The following GBP7 variants were observed in gnomAD, a reference collection of about 807,000 sequenced individuals.
GBP7 encodes guanylate binding protein 7.
A neutral mutation model predicts 61.3 loss-of-function variants in GBP7; 43 were observed. That is an observed-to-expected ratio of 0.70 (90% CI 0.55 to 0.91). GBP7 has a LOEUF of 0.91. Among genes scored for constraint, GBP7 ranks in the 40% least tolerant of loss-of-function variants. The probability of loss-of-function intolerance (pLI) is 0.00; values close to 1 mark genes in which losing one functional copy is unlikely to be tolerated. For synonymous variants in GBP7, 267 were observed against 271.0 expected (o/e 0.99, Z 0.14); for missense variants, 717 against 740.5 (o/e 0.97, Z 0.37).
chr1:89,136,830 G>A (rs1433737105), intron 9 of GBP7, among the ~76,000 whole-genome samples: 1 of 151,828 alleles, frequency 6.6e-6, no homozygotes, highest in Non-Finnish European at 1.5e-5. Flanking sequence ...ATAAAGTGGA[G>A]ACAAGAAAAA....
chr1:89,137,820 A>G (rs528208317), intron 9 of GBP7, among the ~76,000 whole-genome samples: 22 of 149,300 alleles, frequency 1.5e-4, no homozygotes, highest in Middle Eastern at 3.4e-3. Context: ...GGCAAAGGGG[A>G]AAAAAAAAGT....
At chr1:89,171,537 A>G (rs907692783) in intron 2 of GBP7, among the ~76,000 whole-genome samples, 1 of 151,808 alleles carries the variant, frequency 6.6e-6, no homozygotes, top group Non-Finnish European at 1.5e-5. Context: ...TACCTTATTT[A>G]TATATGAAAT....
chr1:89,155,217 C>T (rs1406066869), intron 3 of GBP7, among the ~76,000 whole-genome samples: 1 of 152,134 alleles, frequency 6.6e-6, no homozygotes, highest in Non-Finnish European at 1.5e-5. Context: ...ATTGCAAAGA[C>T]CAAAGGTAGA....
At chr1:89,151,750 T>A (rs1415959822) in intron 5 of GBP7, among the ~76,000 whole-genome samples, 1 of 152,214 alleles carries the variant, frequency 6.6e-6, no homozygotes, top group African/African-American at 2.4e-5. Flanking sequence ...TGTATTTTTT[T>A]TTTAATTTCC....
intron 2 of GBP7, among the ~76,000 whole-genome samples, chr1:89,165,611 CT>C (rs1647404527): frequency 6.6e-6 from 1 of 152,006 alleles, no homozygotes; most frequent in South Asian, 2.1e-4. Context: ...AGTTCATGTC[CT>C]TTGCAGGGAC....
chr1:89,169,331 A>G (rs1647535300), intron 2 of GBP7, among the ~76,000 whole-genome samples: 1 of 152,230 alleles, frequency 6.6e-6, no homozygotes, highest in African/African-American at 2.4e-5. Context: ...TAAAGTGTCA[A>G]CGAAGCAAAC....
In GBP7 at chr1:89,160,184, A is replaced by G. The variant is rs1387872652; in HGVS notation, c.318+4547T>C. Among the ~76,000 whole-genome samples, 6 of 152,204 alleles carry G rather than the reference A, an allele frequency of 3.9e-5. No homozygotes were observed. The South Asian group carries it at 1.2e-3, about 32-fold the overall frequency. ...AATGAGATCACTTGGACACAGGGTGAGGAACATCACACACTGGGGCCTGCT... is the reference window on the plus strand; with the variant it reads ...AATGAGATCACTTGGACACAGGGTGGGGAACATCACACACTGGGGCCTGCT... On this transcript the variant is annotated intron_variant, in intron 3 of 10. Coordinates refer to ENST00000294671, the MANE Select transcript of GBP7 (RefSeq NM_207398.3).
At chr1:89,135,234 G>A (rs574720367) in intron 9 of GBP7, among the ~76,000 whole-genome samples, 23 of 152,280 alleles carry the variant, frequency 1.5e-4, no homozygotes, top group South Asian at 4.1e-4. Context: ...ATTGGCACCC[G>A]TGAAAGGGAG....
In GBP7 at chr1:89,133,313, C is replaced by T. The variant is rs1570335687; in HGVS notation, c.1607G>A (p.Arg536Lys). The part of the protein sequence containing the change: ...NIAQLKKKME[R>K]ERENYMRELR... ...TTCTCTCATATAGTTTTCCCTTTCC[C>T]TCTCCATCTTCTTCTTGAGTTGAGC... The change falls in exon 10 of 11, where the codon AGG becomes AAG. Residue 536 changes from arginine (R) to lysine (K), a missense_variant. By Grantham distance (26) the Arg-to-Lys change is conservative. This residue lies in a region of GBP7 where 312 missense variants were observed against 310.1 expected (regional missense o/e 1.01). Coordinates refer to ENST00000294671, the MANE Select transcript of GBP7 (RefSeq NM_207398.3). 1.2e-6 allele frequency: 2 copies of T among 1,614,066 alleles called. No individual in the cohort carries two copies. Among genetic ancestry groups the T allele is most frequent in the Non-Finnish European group, 8.5e-7 (1 of 1,179,978 alleles).
intron 2 of GBP7, among the ~76,000 whole-genome samples, chr1:89,168,818 C>T (rs748646825): frequency 2.0e-5 from 3 of 150,722 alleles, no homozygotes; most frequent in Admixed American, 6.6e-5. Flanking sequence ...CAACAAAAAA[C>T]GGTAGCCAGG....
At chr1:89,141,950 C>A (rs1485792988) in intron 8 of GBP7, among the ~76,000 whole-genome samples, 1 of 152,164 alleles carries the variant, frequency 6.6e-6, no homozygotes, top group African/African-American at 2.4e-5. Flanking sequence ...AAACACACAT[C>A]CTCCATAGTT....
intron 3 of GBP7, among the ~76,000 whole-genome samples, chr1:89,153,429 G>A (rs565047052): frequency 3.3e-5 from 5 of 152,304 alleles, no homozygotes; most frequent in African/African-American, 1.2e-4. Flanking sequence ...CACTGTCAAT[G>A]TGTAAAATAT....
chr1:89,169,773 G>A (rs1157976941), intron 2 of GBP7, among the ~76,000 whole-genome samples: 1 of 152,176 alleles, frequency 6.6e-6, no homozygotes, highest in Admixed American at 6.5e-5. Context: ...CATTTAGTGT[G>A]TAAACCAGTA....
intron 2 of GBP7, among the ~76,000 whole-genome samples, chr1:89,170,254 T>C (rs1647562652): frequency 6.6e-6 from 1 of 152,246 alleles, no homozygotes; most frequent in Admixed American, 6.5e-5. Flanking sequence ...AGAACCATCA[T>C]CCAAAATGAA....
At chr1:89,132,766 T>C (rs1203637229) in intron 10 of GBP7, among the ~76,000 whole-genome samples, 2 of 152,208 alleles carry the variant, frequency 1.3e-5, no homozygotes, top group Non-Finnish European at 2.9e-5. Context: ...TATAAAACAC[T>C]GGTTGTCAAG....
rs201501531 is a variant in GBP7, at chr1:89,132,138, C to G, written c.*11G>C. 1 of 1,590,738 alleles carries G rather than the reference C, an allele frequency of 6.3e-7. No homozygotes were observed. The highest frequency in any genetic ancestry group is 2.2e-5 in the East Asian group (1 of 44,730). ...GAGCAACAGCGTTATACCATTTTAA[C>G]AAAAGAAACCTCAGCTTATAATTTT... On this transcript the variant is annotated 3_prime_UTR_variant, in exon 11 of 11. Transcript: ENST00000294671.
Position 89,152,319 on chromosome 1 carries a change from G to T in GBP7, c.574C>A (p.His192Asn), listed in dbSNP as rs143254761. 1.2e-6 allele frequency: 2 copies of T among 1,614,112 alleles called. No individual in the cohort carries two copies. Among genetic ancestry groups the T allele is most frequent in the East Asian group, 2.2e-5 (1 of 44,876 alleles). ...DFTLELKLDG[H>N]PITEDEYLEN... ...AGGTACTCATCTTCTGTGATGGGGT[G>T]TCCATCTAACTTCAGCTCCAGGGTA... The change falls in exon 5 of 11, where the codon CAC (histidine) becomes AAC (asparagine). Residue 192 changes from histidine to asparagine, a missense_variant. His to Asn is a moderately conservative substitution (Grantham distance 68). Around this residue, in one of 3 missense-constraint regions of GBP7, gnomAD observed 387 missense variants for 385.2 expected, o/e 1.00. Coordinates refer to ENST00000294671, the MANE Select transcript of GBP7 (RefSeq NM_207398.3).
At chr1:89,145,844 T>G (rs1330879310) in intron 8 of GBP7, among the ~76,000 whole-genome samples, 1 of 152,186 alleles carries the variant, frequency 6.6e-6, no homozygotes, top group Non-Finnish European at 1.5e-5. Flanking sequence ...TGGAGAGATA[T>G]TCCATGTACA....
intron 9 of GBP7, among the ~76,000 whole-genome samples, chr1:89,136,401 C>T (rs945594782): frequency 1.3e-5 from 2 of 152,044 alleles, no homozygotes; most frequent in South Asian, 4.2e-4. Context: ...AAAATTGACT[C>T]CTTGCTCTGC....
Sources: allele counts gnomAD v4.1 joint callset (sites outside exome capture counted in the v4.1 genomes callset), GRCh38; gene constraint gnomAD v4.1.1; regional missense constraint gnomAD v4.1.1; transcripts MANE v1.5; gene names NCBI Gene and HGNC (gene_info 2026-07-23, HGNC 2026-07-21).